The following ATG10 variants were observed in gnomAD, a reference collection of about 807,000 sequenced individuals.
The protein encoded by ATG10 is autophagy related 10, also known as ubiquitin-like-conjugating enzyme ATG10.
In ATG10, 30 loss-of-function variants were observed where a neutral mutation model predicts 32.1. That is an observed-to-expected ratio of 0.94 (90% CI 0.70 to 1.27). The LOEUF (loss-of-function observed/expected upper bound fraction) is 1.27, where lower values mean the gene tolerates loss of function less well. Among genes scored for constraint, ATG10 ranks in the 50% most tolerant of loss-of-function variants. The pLI, the probability that ATG10 is intolerant of heterozygous loss-of-function variation, is 0.00. For synonymous variants in ATG10, 87 were observed against 91.5 expected, an observed-to-expected ratio of 0.95 and a Z score of 0.28; for missense variants, 233 against 262.3, an observed-to-expected ratio of 0.89 and a Z score of 0.77.
chr5:82,128,672 C>T (rs921811532), intron 3 of ATG10, among the ~76,000 whole-genome samples: 19 of 117,914 alleles, frequency 1.6e-4, no homozygotes, highest in African/African-American at 5.3e-4. Flanking sequence ...TGGGCTTCCC[C>T]GCAAAGGTCT....
intron 3 of ATG10, among the ~76,000 whole-genome samples, chr5:82,145,050 T>G (rs1359232187): frequency 6.6e-6 from 1 of 152,130 alleles, no homozygotes; most frequent in African/African-American, 2.4e-5. Context: ...CTGTTTATCT[T>G]CAGTAATACT....
At chr5:82,139,838 A>G (rs1282689962) in intron 3 of ATG10, among the ~76,000 whole-genome samples, 15 of 108,800 alleles carry the variant, frequency 1.4e-4, no homozygotes, top group Middle Eastern at 6.0e-3. Flanking sequence ...CGGGAGGGAG[A>G]TGGGGGGGTC....
intron 3 of ATG10, among the ~76,000 whole-genome samples, chr5:82,136,544 A>C (rs1482299187): frequency 1.3e-5 from 2 of 152,120 alleles, no homozygotes; most frequent in Non-Finnish European, 2.9e-5. Flanking sequence ...AAGAATGTTG[A>C]ATATTGGTCC....
At chr5:82,248,691 G>T (rs1747128988) in intron 5 of ATG10, among the ~76,000 whole-genome samples, 1 of 152,122 alleles carries the variant, frequency 6.6e-6, no homozygotes, top group Non-Finnish European at 1.5e-5. Flanking sequence ...ACAGCTGGAA[G>T]TCCACTTCTG....
At chr5:82,044,101 G>A (rs1763166394) in intron 2 of ATG10, among the ~76,000 whole-genome samples, 1 of 152,050 alleles carries the variant, frequency 6.6e-6, no homozygotes, top group African/African-American at 2.4e-5. Flanking sequence ...AAGAAATGAG[G>A]CTTAATTGAC....
In ATG10 at chr5:82,062,039, G is replaced by A. The variant is rs139629743; in HGVS notation, c.216+3437G>A. On this transcript the variant is annotated intron_variant, in intron 3 of 7. Coordinates refer to ENST00000282185, the MANE Select transcript of ATG10 (RefSeq NM_031482.5). ...AGATGTGGATCTTGCTCTGTTGCCC[G>A]GGCTTGTCTCAAAGTCCTGGCCTCA... 2.1e-3 allele frequency among the ~76,000 whole-genome samples: 313 copies of A among 151,536 alleles called. 3 individuals are homozygous for A. The highest frequency in any genetic ancestry group is 6.7e-3 in the African/African-American group (278 of 41,314).
At chr5:82,186,824 C>T (rs1180177626) in intron 5 of ATG10, among the ~76,000 whole-genome samples, 1 of 152,196 alleles carries the variant, frequency 6.6e-6, no homozygotes, top group South Asian at 2.1e-4. Context: ...TTGAGTGATC[C>T]GCCAGCCTTG....
At chr5:82,150,465 A>G (rs1343216006) in intron 3 of ATG10, among the ~76,000 whole-genome samples, 1 of 152,202 alleles carries the variant, frequency 6.6e-6, no homozygotes, top group East Asian at 1.9e-4. Context: ...TACCAGCCTA[A>G]GCTTCTTTTA....
intron 3 of ATG10, among the ~76,000 whole-genome samples, chr5:82,148,465 T>G (rs1156763655): frequency 6.6e-6 from 1 of 152,180 alleles, no homozygotes; most frequent in Non-Finnish European, 1.5e-5. Flanking sequence ...AATCTGAATC[T>G]CTCTTAGCAT....
intron 2 of ATG10, among the ~76,000 whole-genome samples, chr5:82,029,163 A>G (rs1354921721): frequency 6.6e-6 from 1 of 152,210 alleles, no homozygotes; most frequent in African/African-American, 2.4e-5. Context: ...GTAGAGTACA[A>G]TTTAAGTTTG....
chr5:81,983,237 C>T lies in ATG10; in HGVS notation c.-12-4322C>T, dbSNP rs538739815. ...GCGACTGGCCGGGCTGGGGGCTGAC[C>T]CCCCCCCCCACCTCCCTCCTGGACG... On this transcript the variant is annotated intron_variant, in intron 1 of 7. Transcript: ENST00000282185. Among the ~76,000 whole-genome samples, 906 of 119,418 alleles carry T rather than the reference C, an allele frequency of 7.6e-3. 12 individuals are homozygous for T. Among genetic ancestry groups the T allele is most frequent in the Non-Finnish European group, 0.012 (620 of 50,068 alleles). 78.3% of individuals were successfully genotyped at this position (119,418 alleles called of 152,430 possible).
At chr5:82,007,725 G>A (rs1762022621) in intron 2 of ATG10, among the ~76,000 whole-genome samples, 1 of 152,048 alleles carries the variant, frequency 6.6e-6, no homozygotes. Flanking sequence ...AAGTGTTAAC[G>A]ATTACAGCCA....
At chr5:82,115,397 T>C (rs936941042) in intron 3 of ATG10, among the ~76,000 whole-genome samples, 2 of 152,046 alleles carry the variant, frequency 1.3e-5, no homozygotes, top group Non-Finnish European at 2.9e-5. Context: ...TGAGATAGAA[T>C]TGGCCAATGT....
intron 5 of ATG10, among the ~76,000 whole-genome samples, chr5:82,220,673 A>G (rs1466441747): frequency 2.0e-5 from 3 of 147,702 alleles, no homozygotes; most frequent in African/African-American, 5.0e-5. Flanking sequence ...TTTGTCGCCT[A>G]GGCTGGAGTG....
chr5:82,021,897 C>T (rs1039472338), intron 2 of ATG10, among the ~76,000 whole-genome samples: 8 of 152,130 alleles, frequency 5.3e-5, no homozygotes, highest in Non-Finnish European at 1.2e-4. Context: ...GTGGCGGGCA[C>T]CTGTAGTCCC....
intron 1 of ATG10, among the ~76,000 whole-genome samples, chr5:81,979,411 C>G (rs981764335): frequency 6.6e-6 from 1 of 152,166 alleles, no homozygotes; most frequent in East Asian, 1.9e-4. Context: ...CCCTGTAGTC[C>G]TAGCTACTCG....
intron 2 of ATG10, among the ~76,000 whole-genome samples, chr5:81,996,597 T>C (rs1359874938): frequency 6.6e-6 from 1 of 152,232 alleles, no homozygotes; most frequent in Admixed American, 6.5e-5. Context: ...CCATGGCCTC[T>C]AGTGGTTGCT....
chr5:82,228,290 A>AT (rs1746217448), intron 5 of ATG10, among the ~76,000 whole-genome samples: 6 of 152,076 alleles, frequency 3.9e-5, no homozygotes, highest in African/African-American at 1.2e-4. Context: ...TTCCAAAAAT[A>AT]TTTTACTTTA....
At chr5:81,977,961 CT>C (rs1561234865) in intron 1 of ATG10, among the ~76,000 whole-genome samples, 1 of 152,148 alleles carries the variant, frequency 6.6e-6, no homozygotes, top group Admixed American at 6.5e-5. Flanking sequence ...CAACCATTTC[CT>C]TTTTTTATTT....
Sources: gnomAD v4.1 joint callset for allele counts (sites outside exome capture counted in the v4.1 genomes callset) on GRCh38, gnomAD v4.1.1 for gene constraint, MANE v1.5 for transcripts, NCBI Gene and HGNC (gene_info 2026-07-23, HGNC 2026-07-21) for gene names.